PRDM16: variants seen among roughly 807,000 people sequenced by gnomAD.
The protein encoded by PRDM16 is histone-lysine N-methyltransferase PRDM16.
PRDM16 carries 23 observed loss-of-function variants against 110.6 expected under a neutral mutation model. The ratio of observed to expected loss-of-function variants is 0.21; its 90% confidence interval spans 0.15 to 0.29. The LOEUF is 0.29. Among genes scored for constraint, PRDM16 ranks in the 10% least tolerant of loss-of-function variants. The pLI is 1.00. For synonymous variants in PRDM16, 799 were observed against 781.8 expected (o/e 1.02, Z -0.37); for missense variants, 1,615 against 1,794.3 (o/e 0.90, Z 1.81).
At chr1:3,354,076 G>A (rs1350835221) in intron 3 of PRDM16, among the ~76,000 whole-genome samples, 10 of 152,212 alleles carry the variant, frequency 6.6e-5, no homozygotes, top group Admixed American at 5.9e-4. Flanking sequence ...GTGAATTCCA[G>A]AGAGAAACCT....
chr1:3,373,996 C>T (rs1020910971), intron 3 of PRDM16, among the ~76,000 whole-genome samples: 4 of 152,250 alleles, frequency 2.6e-5, no homozygotes, highest in Non-Finnish European at 4.4e-5. Context: ...TGGCCTGCTT[C>T]GGTGTCCTCC....
At chr1:3,406,605 G>A (rs971571587) in intron 8 of PRDM16, among the ~76,000 whole-genome samples, 4 of 152,056 alleles carry the variant, frequency 2.6e-5, no homozygotes, top group African/African-American at 7.2e-5. Flanking sequence ...AGCCAACCAC[G>A]GTAGTGTGTG....
chr1:3,406,713 A>C (rs1303273467), intron 8 of PRDM16, among the ~76,000 whole-genome samples: 2 of 152,190 alleles, frequency 1.3e-5, no homozygotes, highest in Non-Finnish European at 1.5e-5. Context: ...ACTGCACTCC[A>C]GCCTGGGCAA....
intron 14 of PRDM16, among the ~76,000 whole-genome samples, chr1:3,429,049 G>A (rs567529634): frequency 3.9e-5 from 6 of 152,338 alleles, no homozygotes; most frequent in South Asian, 4.1e-4. Context: ...TAGGAGGGCC[G>A]AAGAGTGCCA....
intron 2 of PRDM16, among the ~76,000 whole-genome samples, chr1:3,203,915 G>A (rs1181264538): frequency 6.6e-6 from 1 of 152,192 alleles, no homozygotes; most frequent in Admixed American, 6.5e-5. Context: ...TATAGCAGGT[G>A]ACAGAAGGCG....
At chr1:3,373,430 C>T (rs1300480481) in intron 3 of PRDM16, among the ~76,000 whole-genome samples, 1 of 152,152 alleles carries the variant, frequency 6.6e-6, no homozygotes, top group Non-Finnish European at 1.5e-5. Context: ...CCAGGGGGTT[C>T]GGGGGGAAGT....
intron 3 of PRDM16, among the ~76,000 whole-genome samples, chr1:3,249,541 C>G (rs771797758): frequency 8.6e-5 from 11 of 128,052 alleles, no homozygotes; most frequent in Non-Finnish European, 1.7e-4. Context: ...CACTTTATTA[C>G]CAAAAAAGAA....
chr1:3,260,219 G>A (rs76460933), intron 3 of PRDM16, among the ~76,000 whole-genome samples: 2,782 of 152,286 alleles, frequency 0.018, 96 homozygotes, highest in African/African-American at 0.063. Flanking sequence ...TGTGGTTCTG[G>A]GGGGCCAGGC....
rs906842641 is a variant in PRDM16, at chr1:3,175,691, G to A, written c.38-10434G>A. ...TCCCAGAACTCAGACCTGCCCACCC[G>A]CCACATGGGTGCAGGGAGGGTGACA... On this transcript the variant is annotated intron_variant, in intron 1 of 16. Transcript: ENST00000270722. This position sits in a 1 kb window ranked among gnomAD's most constrained non-coding sequence, Gnocchi z 4.8. 5.3e-5 allele frequency among the ~76,000 whole-genome samples: 8 copies of A among 152,198 alleles called. No individual in the cohort carries two copies. The highest frequency in any genetic ancestry group is 3.8e-4 in the East Asian group (2 of 5,198).
rs1221953860 is a variant in PRDM16, at chr1:3,213,937, G to GA, written c.387+27463_387+27464insA. ...AGAAGCACGCGGGTGACAGGGTGTG[G>GA]CCAGTGCACCAAGCAGAACGGCCAG... On this transcript the variant is annotated intron_variant, in intron 2 of 16. Coordinates refer to ENST00000270722, the MANE Select transcript of PRDM16 (RefSeq NM_022114.4). This position sits in a 1 kb window ranked among gnomAD's most constrained non-coding sequence, Gnocchi z 5.3. Among the ~76,000 whole-genome samples the GA allele has an allele frequency of 2.1e-4, 32 of 152,124 alleles. No homozygotes were observed. The highest frequency in any genetic ancestry group is 7.5e-4 in the African/African-American group (31 of 41,498).
rs1011621016 is a variant in PRDM16, at chr1:3,081,748, C to T, written c.37+12452C>T. Among the ~76,000 whole-genome samples the T allele has an allele frequency of 2.0e-5, 3 of 152,004 alleles. No individual in the cohort carries two copies. The highest frequency in any genetic ancestry group is 2.9e-5 in the Non-Finnish European group (2 of 67,974). The stretch of plus-strand genomic sequence containing the variant: ...GTGGGTAGAGCCTGGCCACAGGGCA[C>T]GTGGGAGGCCCCCATGGAAGGCCCG... On this transcript the variant is annotated intron_variant, in intron 1 of 16. Coordinates refer to ENST00000270722, the MANE Select transcript of PRDM16 (RefSeq NM_022114.4). The surrounding 1 kb of genome is among the most constrained non-coding windows in gnomAD (Gnocchi z 4.6).
chr1:3,116,897 A>G (rs979190288), intron 1 of PRDM16, among the ~76,000 whole-genome samples: 2 of 152,216 alleles, frequency 1.3e-5, no homozygotes, highest in East Asian at 3.9e-4. Flanking sequence ...CTTGCAGCAC[A>G]GCCTGGTCAC....
Position 3,213,921 on chromosome 1 carries a change from C to A in PRDM16, c.387+27447C>A, listed in dbSNP as rs746224584. ...CCTGGTACATTAACTCAGAAGCACG[C>A]GGGTGACAGGGTGTGGCCAGTGCAC... On this transcript the variant is annotated intron_variant, in intron 2 of 16. Transcript: ENST00000270722. The surrounding 1 kb of genome is among the most constrained non-coding windows in gnomAD (Gnocchi z 5.3). Among the ~76,000 whole-genome samples the A allele has an allele frequency of 6.6e-6, 1 of 152,048 alleles. No individual in the cohort carries two copies. Among genetic ancestry groups the A allele is most frequent in the African/African-American group, 2.4e-5 (1 of 41,392 alleles).
intron 3 of PRDM16, among the ~76,000 whole-genome samples, chr1:3,310,428 G>A (rs565883483): frequency 3.3e-5 from 5 of 152,226 alleles, no homozygotes; most frequent in Non-Finnish European, 4.4e-5. Context: ...AACGGAAACC[G>A]TAGTCCCTGT....
At chr1:3,248,044 C>T (rs1031517880) in intron 3 of PRDM16, among the ~76,000 whole-genome samples, 4 of 152,230 alleles carry the variant, frequency 2.6e-5, no homozygotes, top group Non-Finnish European at 5.9e-5. Flanking sequence ...GGCGAAGAGG[C>T]TTTGGGGACG....
intron 4 of PRDM16, among the ~76,000 whole-genome samples, chr1:3,387,140 T>C (rs986888623): frequency 6.6e-6 from 1 of 152,200 alleles, no homozygotes; most frequent in Non-Finnish European, 1.5e-5. Flanking sequence ...TTTGCCAGGA[T>C]GGAAGAATGA....
intron 1 of PRDM16, among the ~76,000 whole-genome samples, chr1:3,139,479 G>A (rs1277700165): frequency 6.6e-6 from 1 of 152,260 alleles, no homozygotes; most frequent in Non-Finnish European, 1.5e-5. Context: ...CAGAGCTGCT[G>A]GCAGGGGCGG....
At chr1:3,409,249 C>T (rs1396828120) in intron 8 of PRDM16, among the ~76,000 whole-genome samples, 2 of 151,514 alleles carry the variant, frequency 1.3e-5, no homozygotes, top group East Asian at 4.0e-4. Flanking sequence ...GTGAGTGGGG[C>T]ACAGCCAGGG....
chr1:3,257,241 C>T (rs1000847663), intron 3 of PRDM16, among the ~76,000 whole-genome samples: 1 of 152,220 alleles, frequency 6.6e-6, no homozygotes, highest in Non-Finnish European at 1.5e-5. Context: ...GTGGGTGCCA[C>T]TGGCACAGCT....
Sources: gnomAD v4.1 joint callset for allele counts (sites outside exome capture counted in the v4.1 genomes callset) on GRCh38, gnomAD v4.1.1 for gene constraint, Gnocchi (gnomAD v3.1) non-coding constraint, MANE v1.5 for transcripts, NCBI Gene and HGNC (gene_info 2026-07-23, HGNC 2026-07-21) for gene names.